Variants in JDP2 observed in about 807,000 individuals in gnomAD.
JDP2 encodes the protein Jun dimerization protein 2.
In JDP2, 9 loss-of-function variants were observed where a neutral mutation model predicts 17.1. That is an observed-to-expected ratio of 0.53 (90% CI 0.32 to 0.92). The LOEUF is 0.92. JDP2 is among the 40% of genes least tolerant of loss of function. JDP2 has a pLI of 0.04. For missense variants in JDP2, 179 were observed against 220.0 expected, an observed-to-expected ratio of 0.81 and a Z score of 1.18; for synonymous variants, 107 against 95.6, an observed-to-expected ratio of 1.12 and a Z score of -0.69.
At chr14:75,449,113 T>A (rs191456912) in intron 2 of JDP2, among the ~76,000 whole-genome samples, 113 of 152,334 alleles carry the variant, frequency 7.4e-4, no homozygotes, top group African/African-American at 2.5e-3. Flanking sequence ...CTGTTATCTG[T>A]GCCTTGTGCT....
intron 3 of JDP2, among the ~76,000 whole-genome samples, chr14:75,464,617 C>T (rs1266715643): frequency 6.6e-6 from 1 of 152,158 alleles, no homozygotes; most frequent in African/African-American, 2.4e-5. Context: ...TGGGACCAGT[C>T]GCCCATGGCT....
intron 3 of JDP2, among the ~76,000 whole-genome samples, chr14:75,466,356 G>C (rs961367349): frequency 6.6e-6 from 1 of 152,180 alleles, no homozygotes. Context: ...CACGAGAATT[G>C]CTTGAACCTT....
chr14:75,450,440 C>G (rs190976202), intron 2 of JDP2, among the ~76,000 whole-genome samples: 1 of 152,342 alleles, frequency 6.6e-6, no homozygotes, highest in Non-Finnish European at 1.5e-5. Context: ...CACACTGTTT[C>G]CTGCAGATGC....
intron 2 of JDP2, among the ~76,000 whole-genome samples, chr14:75,438,702 G>C (rs1250897156): frequency 6.6e-6 from 1 of 152,204 alleles, no homozygotes; most frequent in Non-Finnish European, 1.5e-5. Context: ...GCCTTAGATG[G>C]CGTTTGCCCG....
chr14:75,462,297 C>T (rs2139994348), intron 3 of JDP2, among the ~76,000 whole-genome samples: 1 of 152,316 alleles, frequency 6.6e-6, no homozygotes, highest in Non-Finnish European at 1.5e-5. Flanking sequence ...GGTCTTTCCA[C>T]CCCTAATCAT....
At chr14:75,463,543 A>C (rs1265208368) in intron 3 of JDP2, among the ~76,000 whole-genome samples, 1 of 152,170 alleles carries the variant, frequency 6.6e-6, no homozygotes, top group Non-Finnish European at 1.5e-5. Context: ...GTGAGAACAC[A>C]CAGCAGGGGC....
chr14:75,441,618 C>T (rs1408272206), intron 2 of JDP2, among the ~76,000 whole-genome samples: 1 of 152,202 alleles, frequency 6.6e-6, no homozygotes, highest in Non-Finnish European at 1.5e-5. Context: ...AGACCAAGGA[C>T]GTGGCAGTGG....
intron 3 of JDP2, among the ~76,000 whole-genome samples, chr14:75,467,278 C>T (rs2140000694): frequency 6.6e-6 from 1 of 152,352 alleles, no homozygotes; most frequent in East Asian, 1.9e-4. Flanking sequence ...CCCTCCTTCC[C>T]CTTCTCAACC....
At chr14:75,455,298 C>G (rs1024896218) in intron 2 of JDP2, among the ~76,000 whole-genome samples, 1 of 152,170 alleles carries the variant, frequency 6.6e-6, no homozygotes, top group African/African-American at 2.4e-5. Context: ...GAAGTGCTCG[C>G]TGTGGGGATG....
At position 75,432,376 on chromosome 14, in the gene JDP2, C is replaced by T; in HGVS notation, c.-24+4124C>T. 4 of 1,546,582 alleles carry T rather than the reference C, an allele frequency of 2.6e-6. No homozygotes were observed. In the South Asian group the frequency reaches 3.6e-5, roughly 14 times the overall value. On this transcript the variant is annotated intron_variant, in intron 1 of 3. Coordinates refer to ENST00000651602, the MANE Select transcript of JDP2 (RefSeq NM_001135048.2). Reference sequence around the variant, plus strand: ...GACCCCTGGCCTGGCACCTTTCTGACCTTCTCTGTGGACTCCTGCCCTCCG... The same window carrying T: ...GACCCCTGGCCTGGCACCTTTCTGATCTTCTCTGTGGACTCCTGCCCTCCG...
chr14:75,461,401 A>G (rs1302420502), intron 2 of JDP2, 25 bp from the exon 3 acceptor site: 2 of 1,561,696 alleles, frequency 1.3e-6, no homozygotes, highest in Admixed American at 3.7e-5. Flanking sequence ...CTCAGTGTCT[A>G]ATCAGTGGCT....
rs1594940221 is a variant in JDP2, at chr14:75,428,956, GC to G, written c.-24+707del. Among the ~76,000 whole-genome samples, 1 of 151,936 alleles carries G rather than the reference GC, an allele frequency of 6.6e-6. No homozygotes were observed. Among genetic ancestry groups the G allele is most frequent in the Non-Finnish European group, 1.5e-5 (1 of 67,950 alleles). On this transcript the variant is annotated intron_variant, in intron 1 of 3. Transcript: ENST00000651602. This position sits in a 1 kb window ranked among gnomAD's most constrained non-coding sequence, Gnocchi z 5.6. ...CCTGTAGGTAACCAGCCTCTCCCTT[GC>G]CCAGCCCAGCTTAGAAGGCTCTCCT...
intron 3 of JDP2, among the ~76,000 whole-genome samples, chr14:75,465,996 ATTG>A (rs919388533): frequency 2.6e-5 from 4 of 152,202 alleles, no homozygotes; most frequent in Non-Finnish European, 4.4e-5. Flanking sequence ...AAATTAGATA[ATTG>A]TTGTTATAAA....
In JDP2 at chr14:75,430,107, C is replaced by T. The variant is rs1884727304; in HGVS notation, c.-24+1855C>T. Among the ~76,000 whole-genome samples the T allele has an allele frequency of 6.6e-6, 1 of 152,228 alleles. No homozygotes were observed. Among genetic ancestry groups the T allele is most frequent in the Non-Finnish European group, 1.5e-5 (1 of 68,032 alleles). On this transcript the variant is annotated intron_variant, in intron 1 of 3. Transcript: ENST00000651602. The surrounding 1 kb of genome is among the most constrained non-coding windows in gnomAD (Gnocchi z 4.5). The stretch of plus-strand genomic sequence containing the variant: ...AGCTACCAGGGAATGCTCCTCCTGA[C>T]TCCCTGGGTTTGTTGTCATCTCCCT...
intron 2 of JDP2, among the ~76,000 whole-genome samples, chr14:75,459,735 C>G (rs939821987): frequency 4.6e-5 from 7 of 152,224 alleles, no homozygotes; most frequent in African/African-American, 1.4e-4. Flanking sequence ...AACGGCTTCT[C>G]TAATGGCCTA....
At chr14:75,468,459 T>C (rs1164790589) in intron 3 of JDP2, among the ~76,000 whole-genome samples, 4 of 152,190 alleles carry the variant, frequency 2.6e-5, no homozygotes, top group African/African-American at 9.7e-5. Context: ...ATTCAGATGC[T>C]GTTTTACTGT....
intron 2 of JDP2, among the ~76,000 whole-genome samples, chr14:75,439,466 C>T (rs1885235379): frequency 6.6e-6 from 1 of 152,274 alleles, no homozygotes; most frequent in Non-Finnish European, 1.5e-5. Flanking sequence ...GACAGAGGCA[C>T]TTCACTGTTT....
intron 2 of JDP2, among the ~76,000 whole-genome samples, chr14:75,449,799 A>C (rs1885770560): frequency 6.6e-6 from 1 of 152,158 alleles, no homozygotes; most frequent in South Asian, 2.1e-4. Context: ...GTCTGTGCCA[A>C]GGTGATTTTT....
intron 1 of JDP2, among the ~76,000 whole-genome samples, chr14:75,433,225 T>A (rs201337055): frequency 0.059 from 3,429 of 58,374 alleles, 77 homozygotes; most frequent in East Asian, 0.13. Flanking sequence ...AAAAAAAAAA[T>A]GTAAGGGGTT....
Sources: allele counts gnomAD v4.1 joint callset (sites outside exome capture counted in the v4.1 genomes callset), GRCh38; gene constraint gnomAD v4.1.1; non-coding constraint Gnocchi (gnomAD v3.1); transcripts MANE v1.5; gene names NCBI Gene and HGNC (gene_info 2026-07-23, HGNC 2026-07-21).